ATXN8OS: variants seen among roughly 807,000 people sequenced by gnomAD.
ATXN8OS encodes the protein ATXN8 opposite strand lncRNA.
chr13:70,142,420 A>G (rs1888730208), intron 3 of ATXN8OS, among the ~76,000 whole-genome samples: 1 of 152,170 alleles, frequency 6.6e-6, no homozygotes, highest in Admixed American at 6.5e-5. Flanking sequence ...TATAACGCTG[A>G]ATACAGTTGA....
chr13:70,129,876 G>A (rs41283982), exon 3 of ATXN8OS: 58 of 398,406 alleles, frequency 1.5e-4, no homozygotes, highest in Non-Finnish European at 1.7e-4. Context: ...AGAGTCAAGC[G>A]GGAACAAGGT....
intron 4 of ATXN8OS, among the ~76,000 whole-genome samples, chr13:70,156,278 G>T (rs183287115): frequency 2.0e-5 from 3 of 150,794 alleles, no homozygotes; most frequent in Non-Finnish European, 4.4e-5. Context: ...TGTTTATATT[G>T]GTTAAATTCA....
intron 3 of ATXN8OS, among the ~76,000 whole-genome samples, chr13:70,140,531 C>CAAAA (rs745942489): frequency 8.5e-3 from 195 of 22,918 alleles, no homozygotes; most frequent in East Asian, 0.018. Flanking sequence ...CACACACACA[C>CAAAA]ACAAAAAAAA....
intron 3 of ATXN8OS, among the ~76,000 whole-genome samples, chr13:70,144,450 G>A (rs1233274594): frequency 6.6e-6 from 1 of 152,060 alleles, no homozygotes; most frequent in Non-Finnish European, 1.5e-5. Context: ...AAGTTGCAAA[G>A]TGTCTATTCA....
At chr13:70,167,658 A>G (rs1593780398) in intron 4 of ATXN8OS, among the ~76,000 whole-genome samples, 2 of 149,058 alleles carry the variant, frequency 1.3e-5, no homozygotes, top group Admixed American at 1.3e-4. Context: ...CTTAAAGTAT[A>G]ATAATAACTT....
At chr13:70,108,704 C>A (rs995447561) in intron 1 of ATXN8OS, among the ~76,000 whole-genome samples, 5 of 152,228 alleles carry the variant, frequency 3.3e-5, no homozygotes, top group African/African-American at 1.2e-4. Flanking sequence ...TCAGTAAACA[C>A]CACACATGAA....
intron 1 of ATXN8OS, among the ~76,000 whole-genome samples, chr13:70,114,500 A>G (rs1888246838): frequency 6.6e-6 from 1 of 152,214 alleles, no homozygotes; most frequent in Admixed American, 6.5e-5. Flanking sequence ...TGTCTAGGAC[A>G]AAATTACAAG....
intron 4 of ATXN8OS, among the ~76,000 whole-genome samples, chr13:70,150,948 G>A (rs1330743710): frequency 6.6e-6 from 1 of 152,036 alleles, no homozygotes; most frequent in Non-Finnish European, 1.5e-5. Flanking sequence ...AGCAGGCATT[G>A]GCACTATATT....
chr13:70,116,039 C>G (rs1208878676), intron 2 of ATXN8OS, among the ~76,000 whole-genome samples: 2 of 151,876 alleles, frequency 1.3e-5, no homozygotes, highest in African/African-American at 4.8e-5. Flanking sequence ...AATCCATAAG[C>G]TTTAGTTACA....
At chr13:70,163,153 T>C (rs2479951) in intron 4 of ATXN8OS, among the ~76,000 whole-genome samples, 128,392 of 152,066 alleles carry the variant, frequency 0.84, 54,616 homozygotes, top group South Asian at 0.92. Flanking sequence ...GTAATTACAA[T>C]GTAACTGTTA....
exon 5 of ATXN8OS, among the ~76,000 whole-genome samples, chr13:70,171,588 C>T (rs1337257567): frequency 2.0e-5 from 3 of 152,088 alleles, no homozygotes; most frequent in African/African-American, 7.2e-5. Context: ...TCAGCTTCAT[C>T]ATAATCTTAG....
intron 2 of ATXN8OS, chr13:70,115,301 A>T: frequency 2.5e-6 from 1 of 398,168 alleles, no homozygotes; most frequent in Non-Finnish European, 4.4e-6. Flanking sequence ...CTACTCCTGT[A>T]AGTCCATTTT....
chr13:70,160,116 T>C (rs1301818757), intron 4 of ATXN8OS, among the ~76,000 whole-genome samples: 2 of 152,238 alleles, frequency 1.3e-5, no homozygotes, highest in Non-Finnish European at 2.9e-5. Context: ...AGAATGGCTG[T>C]ACCATTTTTC....
chr13:70,147,195 C>T (rs957566706), intron 3 of ATXN8OS, among the ~76,000 whole-genome samples: 3 of 152,018 alleles, frequency 2.0e-5, no homozygotes, highest in South Asian at 2.1e-4. Context: ...AAGGGACTTG[C>T]GTTCTAGAAA....
intron 3 of ATXN8OS, among the ~76,000 whole-genome samples, chr13:70,137,325 G>A (rs991849610): frequency 7.9e-5 from 12 of 152,092 alleles, no homozygotes; most frequent in African/African-American, 2.9e-4. Context: ...GCTAGATTTT[G>A]TAGCAAAAGC....
intron 2 of ATXN8OS, among the ~76,000 whole-genome samples, chr13:70,128,467 C>A (rs1639164182): frequency 6.6e-6 from 1 of 151,562 alleles, no homozygotes; most frequent in South Asian, 2.1e-4. Flanking sequence ...AAGGGGAGGG[C>A]AAATGGTCTT....
intron 4 of ATXN8OS, among the ~76,000 whole-genome samples, chr13:70,158,247 G>A (rs1888961351): frequency 6.6e-6 from 1 of 152,000 alleles, no homozygotes; most frequent in Admixed American, 6.6e-5. Flanking sequence ...GTGAAACCCT[G>A]TCTCTACTAA....
At chr13:70,155,257 G>A (rs1025207388) in intron 4 of ATXN8OS, among the ~76,000 whole-genome samples, 1 of 152,150 alleles carries the variant, frequency 6.6e-6, no homozygotes, top group South Asian at 2.1e-4. Flanking sequence ...TGTGGTGGAA[G>A]TTTCTGCTAT....
chr13:70,139,603 G>T (rs2079464809), intron 3 of ATXN8OS, among the ~76,000 whole-genome samples: 1 of 151,922 alleles, frequency 6.6e-6, no homozygotes, highest in South Asian at 2.1e-4. Flanking sequence ...TCTCTCTTGT[G>T]CATTCTCAGT....
Sources: gnomAD v4.1 joint callset for allele counts (sites outside exome capture counted in the v4.1 genomes callset) on GRCh38, gnomAD v4.1.1 for gene constraint, MANE v1.5 for transcripts, NCBI Gene and HGNC (gene_info 2026-07-23, HGNC 2026-07-21) for gene names.